The following ADAMTSL1 variants were observed in gnomAD, a reference collection of about 807,000 sequenced individuals.
ADAMTSL1 encodes ADAMTS like 1.
Under a neutral mutation model 201.8 loss-of-function variants are expected in ADAMTSL1, and 126 were observed. The ratio of observed to expected loss-of-function variants is 0.62; its 90% confidence interval spans 0.54 to 0.72. ADAMTSL1 has a LOEUF of 0.72. ADAMTSL1 is among the 30% of genes least tolerant of loss of function. The pLI, the probability that ADAMTSL1 is intolerant of heterozygous loss-of-function variation, is 0.00. For synonymous variants in ADAMTSL1, 1,121 were observed against 903.4 expected, an observed-to-expected ratio of 1.24 and a Z score of -4.32; for missense variants, 2,679 against 2,277.8, an observed-to-expected ratio of 1.18 and a Z score of -3.59.
At chr9:18,473,055 T>C (rs1013215524), upstream of ADAMTSL1, among the ~76,000 whole-genome samples, 2 of 152,190 alleles carry the variant, frequency 1.3e-5, no homozygotes, top group Non-Finnish European at 2.9e-5. Context: ...ATTTCACTGC[T>C]CATTAGCACT....
chr9:18,843,261 C>G (rs1217862466), intron 23 of ADAMTSL1, among the ~76,000 whole-genome samples: 1 of 150,716 alleles, frequency 6.6e-6, no homozygotes, highest in Non-Finnish European at 1.5e-5. Context: ...ATTTGCTTGT[C>G]TGTAAAATAT....
intron 1 of ADAMTSL1, among the ~76,000 whole-genome samples, chr9:18,040,294 C>T (rs1821377064): frequency 6.6e-6 from 1 of 152,122 alleles, no homozygotes; most frequent in South Asian, 2.1e-4. Flanking sequence ...CCTTCAATGA[C>T]AGCATGGTCT....
intron 2 of ADAMTSL1, among the ~76,000 whole-genome samples, chr9:18,178,579 C>G (rs1484430600): frequency 6.6e-6 from 1 of 151,746 alleles, no homozygotes; most frequent in South Asian, 2.1e-4. Flanking sequence ...GGGCAGGGCA[C>G]AGACAAACAA....
chr9:18,791,523 A>G lies in ADAMTSL1; in HGVS notation c.3678-3874A>G, dbSNP rs527760815. 9.3e-5 allele frequency among the ~76,000 whole-genome samples: 14 copies of G among 150,216 alleles called. 1 individual carries two copies. The highest frequency in any genetic ancestry group is 2.7e-4 in the African/African-American group (11 of 41,012). On this transcript the variant is annotated intron_variant, in intron 19 of 28. Transcript: ENST00000380548. ...TGGTCCCAAAGGGATTATAGGGTGG[A>G]AAAAAAAAAGTGCTGGACCAAAAAC... is the stretch of plus-strand genomic sequence containing the variant.
At chr9:18,839,215 A>G (rs200639267) in intron 23 of ADAMTSL1, among the ~76,000 whole-genome samples, 35 of 121,242 alleles carry the variant, frequency 2.9e-4, no homozygotes, top group Non-Finnish European at 5.0e-4. Flanking sequence ...CCCAGAGTGT[A>G]ATGTTCCCCT....
At chr9:18,346,521 A>C (rs1165510691) in intron 2 of ADAMTSL1, among the ~76,000 whole-genome samples, 1 of 152,158 alleles carries the variant, frequency 6.6e-6, no homozygotes, top group Admixed American at 6.5e-5. Flanking sequence ...CAGGAGGTTG[A>C]ACATCCATAT....
chr9:18,569,548 C>T (rs1822165351), intron 3 of ADAMTSL1, among the ~76,000 whole-genome samples: 1 of 152,092 alleles, frequency 6.6e-6, no homozygotes, highest in African/African-American at 2.4e-5. Flanking sequence ...TCTTAGATTG[C>T]TTTCTCTTGC....
intron 15 of ADAMTSL1, among the ~76,000 whole-genome samples, chr9:18,731,473 ATACAAAAAT>A (rs1197708833): frequency 6.6e-6 from 1 of 152,174 alleles, no homozygotes; most frequent in Non-Finnish European, 1.5e-5. Flanking sequence ...TCTACAAAAA[ATACAAAAAT>A]TAGCCGGCCA....
intron 23 of ADAMTSL1, among the ~76,000 whole-genome samples, chr9:18,876,301 C>CGTGTGTGTGTGTGTGT (rs59150507): frequency 0.029 from 4,029 of 139,614 alleles, 131 homozygotes; most frequent in African/African-American, 0.067. Context: ...TGCCTGAATA[C>CGTGTGTGTGTGTGTGT]GTGTGTGTGT....
intron 1 of ADAMTSL1, among the ~76,000 whole-genome samples, chr9:18,021,117 G>A (rs769852306): frequency 6.6e-6 from 1 of 152,120 alleles, no homozygotes. Flanking sequence ...AGCAATTTGT[G>A]CTTTAACAGG....
chr9:18,034,284 C>T (rs1311245334), intron 1 of ADAMTSL1, among the ~76,000 whole-genome samples: 1 of 152,074 alleles, frequency 6.6e-6, no homozygotes, highest in Non-Finnish European at 1.5e-5. Context: ...AGCTTGGCAT[C>T]TGCCCTGTGG....
At chr9:18,267,510 A>G (rs1201859105) in intron 2 of ADAMTSL1, among the ~76,000 whole-genome samples, 5 of 152,120 alleles carry the variant, frequency 3.3e-5, no homozygotes, top group African/African-American at 7.2e-5. Context: ...GTGCATTACC[A>G]TGCTTCAGCG....
intron 1 of ADAMTSL1, among the ~76,000 whole-genome samples, chr9:18,050,559 A>G (rs1821886749): frequency 6.6e-6 from 1 of 152,220 alleles, no homozygotes; most frequent in South Asian, 2.1e-4. Flanking sequence ...CTCTGTGTGA[A>G]TAATATTGAA....
chr9:17,992,126 A>G (rs1586864133), intron 1 of ADAMTSL1, among the ~76,000 whole-genome samples: 1 of 152,180 alleles, frequency 6.6e-6, no homozygotes, highest in East Asian at 1.9e-4. Context: ...GAGTATGGGT[A>G]TAGAGAGAGC....
At chr9:18,224,702 T>C (rs1015507800) in intron 2 of ADAMTSL1, among the ~76,000 whole-genome samples, 8 of 152,100 alleles carry the variant, frequency 5.3e-5, no homozygotes, top group Non-Finnish European at 1.0e-4. Flanking sequence ...ATTCCTCTAA[T>C]TACCTCATTT....
At chr9:18,245,742 A>G (rs891857833) in intron 2 of ADAMTSL1, among the ~76,000 whole-genome samples, 3 of 152,010 alleles carry the variant, frequency 2.0e-5, no homozygotes, top group African/African-American at 7.2e-5. Context: ...AACAAAAAGC[A>G]AAGGAATCTG....
intron 6 of ADAMTSL1, among the ~76,000 whole-genome samples, chr9:18,638,326 A>G (rs946577933): frequency 6.6e-6 from 1 of 152,122 alleles, no homozygotes; most frequent in Non-Finnish European, 1.5e-5. Flanking sequence ...GTTTTAACCC[A>G]GAGCCCCATC....
At chr9:18,185,121 G>A (rs75053745) in intron 2 of ADAMTSL1, among the ~76,000 whole-genome samples, 3,989 of 152,168 alleles carry the variant, frequency 0.026, 75 homozygotes, top group Non-Finnish European at 0.042. Context: ...TCACCTCCTG[G>A]TCTTTATAGC....
chr9:18,700,211 TA>T (rs777472009), intron 13 of ADAMTSL1, among the ~76,000 whole-genome samples: 7 of 152,246 alleles, frequency 4.6e-5, no homozygotes, highest in Non-Finnish European at 2.9e-5. Context: ...ATTTTACAAG[TA>T]ATTTTAAAAT....
Sources: allele counts gnomAD v4.1 joint callset (sites outside exome capture counted in the v4.1 genomes callset), GRCh38; gene constraint gnomAD v4.1.1; transcripts MANE v1.5; gene names NCBI Gene and HGNC (gene_info 2026-07-23, HGNC 2026-07-21).